ADD2: variants seen among roughly 807,000 people sequenced by gnomAD.
ADD2 encodes adducin 2, also known as beta-adducin.
ADD2 carries 23 observed loss-of-function variants against 83.0 expected under a neutral mutation model. The ratio of observed to expected loss-of-function variants is 0.28; its 90% CI spans 0.20 to 0.39. The LOEUF (loss-of-function observed/expected upper bound fraction) is 0.39, where lower values mean the gene tolerates loss of function less well. Ranked by LOEUF, ADD2 falls within the 10% of genes least tolerant of loss-of-function variation. The probability of loss-of-function intolerance (pLI) is 1.00; values close to 1 mark genes in which losing one functional copy is unlikely to be tolerated. For synonymous variants in ADD2, 375 were observed against 375.4 expected (o/e 1.00, Z 0.01); for missense variants, 758 against 944.9 (o/e 0.80, Z 2.59).
intron 14 of ADD2, among the ~76,000 whole-genome samples, chr2:70,673,552 A>T (rs1669997211): frequency 6.6e-6 from 1 of 152,204 alleles, no homozygotes; most frequent in Non-Finnish European, 1.5e-5. Flanking sequence ...TTTGCTTTTC[A>T]ATTGGCACAT....
At chr2:70,747,257 G>A (rs1360205263) in intron 1 of ADD2, among the ~76,000 whole-genome samples, 2 of 152,104 alleles carry the variant, frequency 1.3e-5, no homozygotes, top group Non-Finnish European at 2.9e-5. Flanking sequence ...AGATCCACCT[G>A]TCTCGGCCTC....
chr2:70,698,969 T>C (rs1671445987), intron 4 of ADD2, among the ~76,000 whole-genome samples: 1 of 152,070 alleles, frequency 6.6e-6, no homozygotes, highest in Non-Finnish European at 1.5e-5. Context: ...GCTTGAACTC[T>C]TGGTACTTGA....
intron 1 of ADD2, among the ~76,000 whole-genome samples, chr2:70,756,130 T>C (rs1287533566): frequency 6.6e-6 from 1 of 150,926 alleles, no homozygotes; most frequent in Non-Finnish European, 1.5e-5. Context: ...CAAGCACAAA[T>C]TGCAGGTCTC....
intron 13 of ADD2, chr2:70,675,814 G>A (rs569338921): frequency 9.1e-6 from 9 of 985,380 alleles, no homozygotes; most frequent in African/African-American, 5.2e-5. Flanking sequence ...GAGGGACTCC[G>A]AGAAGAGCAC....
At chr2:70,702,279 A>G (rs1671628363) in intron 4 of ADD2, among the ~76,000 whole-genome samples, 1 of 152,160 alleles carries the variant, frequency 6.6e-6, no homozygotes, top group African/African-American at 2.4e-5. Context: ...CAATTCTCCC[A>G]CCTCAGCCTC....
chr2:70,663,864 G>C lies in ADD2; in HGVS notation c.1871-129C>G, dbSNP rs1307140999. On this transcript the variant is annotated intron_variant, in intron 15 of 15. Transcript: ENST00000264436. ...AGAGCGAGGGGAGGGCCAGCCTGAT[G>C]TTGAGGGATGGCTACCAGAGACAGA... 24 of 962,790 alleles carry C rather than the reference G, an allele frequency of 2.5e-5. No individual in the cohort carries two copies. In the African/African-American group the frequency reaches 4.0e-4, roughly 16 times the overall value. 59.6% of individuals were successfully genotyped at this position (962,790 alleles called of 1,614,324 possible). A position where few individuals can be genotyped will look rare whatever the true frequency, so the allele number is the denominator to read the frequency against.
chr2:70,680,090 A>G (rs2104258807), intron 10 of ADD2, among the ~76,000 whole-genome samples: 1 of 152,322 alleles, frequency 6.6e-6, no homozygotes, highest in Non-Finnish European at 1.5e-5. Flanking sequence ...ATATTTGTCA[A>G]GATTGCAGCC....
At position 70,706,252 on chromosome 2, in the gene ADD2, G is replaced by C; in HGVS notation, c.157C>G (p.Arg53Gly). 6.2e-7 allele frequency: 1 copy of C among 1,614,040 alleles called. No homozygotes were observed. Among genetic ancestry groups the C allele is most frequent in the Non-Finnish European group, 8.5e-7 (1 of 1,179,996 alleles). Residue 53 changes from arginine (R) to glycine (G), a missense_variant, in exon 3 of 16, where the codon CGC becomes GGC. Physicochemically the swap from Arg to Gly is moderately radical, Grantham distance 125. Around this residue, in one of 5 missense-constraint regions of ADD2, gnomAD observed 175 missense variants for 192.1 expected, o/e 0.91. Coordinates refer to ENST00000264436, the MANE Select transcript of ADD2 (RefSeq NM_001617.4). The surrounding 1 kb of genome is among the most constrained non-coding windows in gnomAD (Gnocchi z 5.0). ...QDFNLMEQKK[R>G]VTMILQSPSF... ...GGACTCTGCAGGATCATGGTGACGC[G>C]CTTCTTCTGCTCCATCAGGTTGAAG... is the stretch of plus-strand genomic sequence containing the variant.
chr2:70,704,263 T>TGGGCCCCCCCCCCCCCCCCCC, intron 4 of ADD2, 58 bp downstream of exon 4: 42 of 913,214 alleles, frequency 4.6e-5, no homozygotes, highest in East Asian at 8.8e-5. Flanking sequence ...CTCCCTCTCT[T>TGGGCCCCCCCCCCCCCCCCCC]CCCCACCCCA....
At position 70,683,703 on chromosome 2, in the gene ADD2, CG is replaced by C; in HGVS notation, c.1012del (p.Arg338GlyfsTer32). On this transcript the variant is annotated frameshift_variant, in exon 10 of 16. Transcript: ENST00000264436. LOFTEE classifies it high-confidence loss of function. ...NLILLEQEKH[R>X]PHEVGSVQWA... ...CTGCACGGAGCCCACCTCATGGGGC[CG>C]GTGCTTCTCCTGCTCCAGGAGGATG... The C allele has an allele frequency of 6.2e-7, 1 of 1,614,124 alleles. No individual in the cohort carries two copies.
intron 2 of ADD2, among the ~76,000 whole-genome samples, chr2:70,711,911 G>A (rs769933406): frequency 6.6e-6 from 1 of 152,178 alleles, no homozygotes; most frequent in Non-Finnish European, 1.5e-5. Context: ...CCCAGTTGTG[G>A]CTGGTGCCTG....
chr2:70,721,388 G>T (rs1264157093), intron 1 of ADD2, among the ~76,000 whole-genome samples: 1 of 152,108 alleles, frequency 6.6e-6, no homozygotes, highest in Non-Finnish European at 1.5e-5. Flanking sequence ...TGTCTTAGAA[G>T]CCATGTCTTT....
At chr2:70,738,708 A>C (rs541004815) in intron 1 of ADD2, among the ~76,000 whole-genome samples, 172 of 152,366 alleles carry the variant, frequency 1.1e-3, no homozygotes, top group African/African-American at 3.9e-3. Flanking sequence ...ATTTGAAGAC[A>C]CACATAAAAA....
At chr2:70,726,327 G>T (rs140099301) in intron 1 of ADD2, among the ~76,000 whole-genome samples, 1 of 152,176 alleles carries the variant, frequency 6.6e-6, no homozygotes, top group Non-Finnish European at 1.5e-5. Flanking sequence ...GCATATGAGA[G>T]CCCAGCTTTC....
rs72899675 is a variant in ADD2 at position 70,689,732 on chromosome 2, T to C, written c.849+1054A>G. On this transcript the variant is annotated intron_variant, in intron 8 of 15. Transcript: ENST00000264436. ...CGGCAAAGCATCCATCAACCAAGAC[T>C]AGCCTCCGTGGCTGTGCCATACTGA... 4.5e-3 allele frequency among the ~76,000 whole-genome samples: 689 copies of C among 152,302 alleles called. 6 individuals are homozygous for C. The highest frequency in any genetic ancestry group is 0.016 in the African/African-American group (648 of 41,558).
intron 1 of ADD2, among the ~76,000 whole-genome samples, chr2:70,756,612 A>G (rs1163400983): frequency 6.6e-6 from 1 of 152,212 alleles, no homozygotes; most frequent in African/African-American, 2.4e-5. Context: ...CTTTGATAGT[A>G]CAAAAGTAAA....
chr2:70,666,166 G>A (rs1367886209), intron 15 of ADD2, among the ~76,000 whole-genome samples: 23 of 152,162 alleles, frequency 1.5e-4, no homozygotes, highest in African/African-American at 5.5e-4. Context: ...AAATGAATTA[G>A]GGCAAAATTG....
chr2:70,673,313 T>C (rs1669986230), intron 14 of ADD2: 1 of 1,613,994 alleles, frequency 6.2e-7, no homozygotes, highest in African/African-American at 1.3e-5. Context: ...CTGGCTCTCG[T>C]TCCTGTCCTG....
At chr2:70,751,944 G>A (rs1286792470) in intron 1 of ADD2, among the ~76,000 whole-genome samples, 3 of 152,144 alleles carry the variant, frequency 2.0e-5, no homozygotes, top group Admixed American at 6.5e-5. Flanking sequence ...AAGAGTCGCC[G>A]CTTTTCACAA....
Sources: allele counts gnomAD v4.1 joint callset (sites outside exome capture counted in the v4.1 genomes callset), GRCh38; gene constraint gnomAD v4.1.1; regional missense constraint gnomAD v4.1.1; non-coding constraint Gnocchi (gnomAD v3.1); transcripts MANE v1.5; gene names NCBI Gene and HGNC (gene_info 2026-07-23, HGNC 2026-07-21).